Variants in TBC1D22A observed in about 807,000 individuals in gnomAD.
TBC1D22A encodes TBC1 domain family member 22A, also known as putative GTPase activator.
TBC1D22A carries 38 observed loss-of-function variants against 60.2 expected under a neutral mutation model. The ratio of observed to expected loss-of-function variants is 0.63; its 90% CI spans 0.49 to 0.83. The LOEUF is 0.83. TBC1D22A is among the 40% of genes least tolerant of loss of function. TBC1D22A has a pLI of 0.00. For missense variants in TBC1D22A, 628 were observed against 701.0 expected, an observed-to-expected ratio of 0.90 and a Z score of 1.18; for synonymous variants, 302 against 281.7, an observed-to-expected ratio of 1.07 and a Z score of -0.72.
intron 11 of TBC1D22A, among the ~76,000 whole-genome samples, chr22:47,083,240 A>T (rs144255750): frequency 0.013 from 1 of 80 alleles, no homozygotes; most frequent in Non-Finnish European, 0.019. Flanking sequence ...GGTATATTCA[A>T]TTGCAAGACT....
At chr22:47,142,578 T>C (rs1474685839) in intron 12 of TBC1D22A, among the ~76,000 whole-genome samples, 28 of 95,808 alleles carry the variant, frequency 2.9e-4, no homozygotes, top group African/African-American at 1.1e-3. Flanking sequence ...ACCTACCCAT[T>C]CACCCACCCA....
chr22:46,993,249 ATGT>A (rs933706791), intron 9 of TBC1D22A, among the ~76,000 whole-genome samples: 7 of 152,188 alleles, frequency 4.6e-5, no homozygotes, highest in Admixed American at 6.5e-5. Context: ...GAAGAGTGTG[ATGT>A]TGTAATGGCA....
intron 8 of TBC1D22A, among the ~76,000 whole-genome samples, chr22:46,937,878 C>T (rs2071751465): frequency 6.6e-6 from 1 of 151,720 alleles, no homozygotes; most frequent in Non-Finnish European, 1.5e-5. Flanking sequence ...CAGAAAAAAG[C>T]TTATAGAATA....
At chr22:46,893,656 C>T (rs770980616) in intron 6 of TBC1D22A, among the ~76,000 whole-genome samples, 16 of 152,240 alleles carry the variant, frequency 1.1e-4, no homozygotes, top group Non-Finnish European at 1.9e-4. Flanking sequence ...CCAGGACACC[C>T]TGATGAGAGA....
intron 6 of TBC1D22A, among the ~76,000 whole-genome samples, chr22:46,892,690 T>C (rs1245751268): frequency 6.6e-6 from 1 of 152,258 alleles, no homozygotes; most frequent in Non-Finnish European, 1.5e-5. Flanking sequence ...TTTTAATGCA[T>C]TTTAATTTCA....
At chr22:47,075,898 A>G (rs2064185829) in intron 11 of TBC1D22A, among the ~76,000 whole-genome samples, 1 of 152,200 alleles carries the variant, frequency 6.6e-6, no homozygotes, top group African/African-American at 2.4e-5. Flanking sequence ...TGCAATAGCT[A>G]CACTGATATC....
At chr22:46,895,018 G>A (rs1171052618) in intron 7 of TBC1D22A, among the ~76,000 whole-genome samples, 172 bp downstream of exon 7, 3 of 152,172 alleles carry the variant, frequency 2.0e-5, no homozygotes, top group African/African-American at 7.2e-5. Flanking sequence ...ACTTCTATTT[G>A]TTCTTTAAAT....
intron 12 of TBC1D22A, among the ~76,000 whole-genome samples, chr22:47,140,841 C>T (rs189894062): frequency 4.4e-4 from 67 of 152,322 alleles, no homozygotes; most frequent in African/African-American, 1.6e-3. Flanking sequence ...TGCCCCTACC[C>T]CAAAAAAACC....
intron 12 of TBC1D22A, among the ~76,000 whole-genome samples, chr22:47,148,659 G>A (rs2039326243): frequency 7.0e-6 from 1 of 142,938 alleles, no homozygotes; most frequent in African/African-American, 2.8e-5. Flanking sequence ...CCTCTCCTGG[G>A]GTCCGTTCCT....
chr22:46,935,881 G>A (rs1226187710), intron 8 of TBC1D22A, among the ~76,000 whole-genome samples: 3 of 151,972 alleles, frequency 2.0e-5, no homozygotes, highest in Admixed American at 6.6e-5. Context: ...CTTTGCTGTC[G>A]CGCTGTCTCC....
intron 4 of TBC1D22A, among the ~76,000 whole-genome samples, chr22:46,804,475 G>A (rs552773351): frequency 6.6e-6 from 1 of 152,304 alleles, no homozygotes; most frequent in Non-Finnish European, 1.5e-5. Context: ...CTCACTAGCA[G>A]AAATGGCTCT....
At chr22:46,858,813 T>G (rs2087711266) in intron 4 of TBC1D22A, among the ~76,000 whole-genome samples, 1 of 152,232 alleles carries the variant, frequency 6.6e-6, no homozygotes, top group African/African-American at 2.4e-5. Context: ...TGTTTTTCCC[T>G]CTATGAATTG....
chr22:46,902,706 T>G (rs1218374239), intron 7 of TBC1D22A, among the ~76,000 whole-genome samples: 1 of 152,202 alleles, frequency 6.6e-6, no homozygotes, highest in Non-Finnish European at 1.5e-5. Flanking sequence ...TCACCTTTCC[T>G]GCGATAACTG....
At chr22:46,944,061 C>T (rs1481939650) in intron 8 of TBC1D22A, among the ~76,000 whole-genome samples, 2 of 152,138 alleles carry the variant, frequency 1.3e-5, no homozygotes, top group Admixed American at 6.5e-5. Context: ...TGAGATATAC[C>T]TAGGAGTGGA....
intron 10 of TBC1D22A, among the ~76,000 whole-genome samples, chr22:47,029,464 C>T (rs966288606): frequency 1.3e-5 from 2 of 152,172 alleles, no homozygotes; most frequent in Non-Finnish European, 2.9e-5. Context: ...GAACGGGGGC[C>T]GCCTGATGGA....
At chr22:46,917,722 C>T (rs1370980982) in intron 8 of TBC1D22A, among the ~76,000 whole-genome samples, 2 of 152,056 alleles carry the variant, frequency 1.3e-5, no homozygotes, top group Non-Finnish European at 2.9e-5. Context: ...CTGACAGTCG[C>T]GGCTGTGGAT....
At position 46,942,039 on chromosome 22, in the gene TBC1D22A, T is replaced by TAC. The variant is rs1390359563; in HGVS notation, c.1015+29857_1015+29858dup. Reference sequence around the variant, plus strand: ...TATATATATATATTATATATATATATACACACAGTCCACCCTTGAACAGCA... The same window carrying TAC: ...TATATATATATATTATATATATATATACACACACAGTCCACCCTTGAACAGCA... On this transcript the variant is annotated intron_variant, in intron 8 of 12. Coordinates refer to ENST00000337137, the MANE Select transcript of TBC1D22A (RefSeq NM_014346.5). Among the ~76,000 whole-genome samples the TAC allele has an allele frequency of 1.3e-4, 19 of 143,570 alleles. No homozygotes were observed. The East Asian group carries it at 1.4e-3, about 11-fold the overall frequency. The allele number at this position is 143,570 out of a possible 152,430, so 94.2% of individuals were successfully genotyped here.
At chr22:47,134,395 C>T (rs1037742813) in intron 12 of TBC1D22A, among the ~76,000 whole-genome samples, 2 of 152,182 alleles carry the variant, frequency 1.3e-5, no homozygotes, top group African/African-American at 2.4e-5. Flanking sequence ...GAGGGTGGGC[C>T]AGGGTGGAAG....
intron 11 of TBC1D22A, among the ~76,000 whole-genome samples, chr22:47,091,563 G>A (rs1307717113): frequency 6.7e-6 from 1 of 150,046 alleles, no homozygotes; most frequent in Non-Finnish European, 1.5e-5. Context: ...GCCTTGCGGA[G>A]GGGGTGGCTG....
Sources: allele counts gnomAD v4.1 joint callset (sites outside exome capture counted in the v4.1 genomes callset), GRCh38; gene constraint gnomAD v4.1.1; transcripts MANE v1.5; gene names NCBI Gene and HGNC (gene_info 2026-07-23, HGNC 2026-07-21).